CDON: variants seen among roughly 807,000 people sequenced by gnomAD.
The protein encoded by CDON is cell adhesion molecule-related/down-regulated by oncogenes.
A neutral mutation model predicts 120.9 loss-of-function variants in CDON; 73 were observed. The ratio of observed to expected loss-of-function variants is 0.60; its 90% CI spans 0.50 to 0.73. The LOEUF (loss-of-function observed/expected upper bound fraction) is 0.73, where lower values mean the gene tolerates loss of function less well. Among genes scored for constraint, CDON ranks in the 30% least tolerant of loss-of-function variants. The probability of loss-of-function intolerance (pLI) is 0.00; values close to 1 mark genes in which losing one functional copy is unlikely to be tolerated. For missense variants in CDON, 1,470 were observed against 1,587.3 expected (o/e 0.93, Z 1.26); for synonymous variants, 566 against 573.5 (o/e 0.99, Z 0.19).
At chr11:125,981,445 G>C in intron 16 of CDON, 116 bp from the exon 17 acceptor site, 3 of 1,071,186 alleles carry the variant, frequency 2.8e-6, no homozygotes, top group Non-Finnish European at 4.1e-6. Context: ...CACGCACACA[G>C]TAAGACACTA....
In CDON at chr11:125,958,605, A is replaced by T. The variant is rs943437571; in HGVS notation, c.*2337T>A. The T allele has an allele frequency of 7.3e-6, 1 of 137,448 alleles. No homozygotes were observed. Among genetic ancestry groups the T allele is most frequent in the African/African-American group, 2.7e-5 (1 of 37,238 alleles). The allele number at this position is 137,448 out of a possible 1,614,324, so 8.5% of individuals were successfully genotyped here. A position where few individuals can be genotyped will look rare whatever the true frequency, so the allele number is the denominator to read the frequency against. ...TGTGTGTGTGTGTTTATATATATAT[A>T]TTTATATATTTCAATATATAAAGGC... On this transcript the variant is annotated 3_prime_UTR_variant, in exon 20 of 20. Transcript: ENST00000531738.
intron 15 of CDON, among the ~76,000 whole-genome samples, chr11:125,988,415 G>A (rs554065292): frequency 3.9e-5 from 6 of 152,062 alleles, no homozygotes; most frequent in East Asian, 3.9e-4. Flanking sequence ...TCACTCTCTC[G>A]CCCAGACTGG....
At position 126,000,216 on chromosome 11, in the gene CDON, TA is replaced by T. The variant is rs11453388; in HGVS notation, c.2158+1502del. Among the ~76,000 whole-genome samples, 7 of 151,932 alleles carry T rather than the reference TA, an allele frequency of 4.6e-5. No homozygotes were observed. In the East Asian group the frequency reaches 9.7e-4, roughly 21 times the overall value. On this transcript the variant is annotated intron_variant, in intron 11 of 19. Coordinates refer to ENST00000531738, the MANE Select transcript of CDON (RefSeq NM_001378964.1). ...ATCATCCACTATACTGTAATTTTTT[TA>T]AAAAAATAGAAACAGGATCTCACTC...
rs1043814939 is a variant in CDON at position 126,034,644 on chromosome 11, C to T, written c.-61-11107G>A. Among the ~76,000 whole-genome samples, 4 of 152,128 alleles carry T rather than the reference C, an allele frequency of 2.6e-5. No individual in the cohort carries two copies. The highest frequency in any genetic ancestry group is 9.7e-5 in the African/African-American group (4 of 41,412). On this transcript the variant is annotated intron_variant, in intron 1 of 19. Transcript: ENST00000531738. The surrounding 1 kb of genome is among the most constrained non-coding windows in gnomAD (Gnocchi z 4.5). The stretch of plus-strand genomic sequence containing the variant: ...GAATTGTGAAGATAATCCTGGCATC[C>T]ACAGTGGGTTGTACAGGAGCATTAT...
Position 126,017,284 on chromosome 11 carries a change from C to G in CDON, c.732G>C (p.Val244=). 6.2e-7 allele frequency: 1 copy of G among 1,614,106 alleles called. No homozygotes were observed. The highest frequency in any genetic ancestry group is 8.5e-7 in the Non-Finnish European group (1 of 1,180,002). ...LSRSPVTLEC[V]VSGVPAPQVY... Reference sequence around the variant, plus strand: ...CTTGAGGAGCCGGGACCCCACTCACCACACACTCCAAGGTTACAGGGCTAC... The same window carrying G: ...CTTGAGGAGCCGGGACCCCACTCACGACACACTCCAAGGTTACAGGGCTAC... Residue 244 remains valine (V), a synonymous_variant, in exon 6 of 20, where the codon GTG becomes GTC. Transcript: ENST00000531738.
At chr11:125,978,535 A>C (rs752522128) in intron 17 of CDON, 152 bp from the exon 18 acceptor site, 1 of 678,230 alleles carries the variant, frequency 1.5e-6, no homozygotes, top group Non-Finnish European at 2.7e-6. Flanking sequence ...GAGCAACGTC[A>C]TTGTGAATAT....
intron 8 of CDON, among the ~76,000 whole-genome samples, chr11:126,007,028 A>G (rs1400007473): frequency 6.6e-6 from 1 of 152,208 alleles, no homozygotes; most frequent in Admixed American, 6.5e-5. Context: ...AGAAAGAACA[A>G]TTTATGAAAA....
chr11:125,966,931 C>A (rs2471472), intron 18 of CDON, among the ~76,000 whole-genome samples: 152,094 of 152,102 alleles, frequency 1, 76,043 homozygotes, highest in Middle Eastern at 1. Context: ...TCTTAGACAA[C>A]AAAGCTGGGA....
At chr11:126,043,260 T>C (rs944157452) in intron 1 of CDON, among the ~76,000 whole-genome samples, 1 of 152,118 alleles carries the variant, frequency 6.6e-6, no homozygotes. Flanking sequence ...ATCAGACCGA[T>C]TGCAGGCTAC....
chr11:125,996,219 A>G (rs1946779212), intron 12 of CDON, among the ~76,000 whole-genome samples: 1 of 151,362 alleles, frequency 6.6e-6, no homozygotes, highest in Non-Finnish European at 1.5e-5. Context: ...GATGTACACC[A>G]CAGTATTTCT....
rs201963480 is a variant in CDON, at chr11:126,015,398, G to C, written c.1041C>G (p.His347Gln). ...CAGAAGGATGAATAGGCTGTGCATT[G>C]TGAAACCAGGTACAGTTGGGGGCTG... ...GNPAPNCTWF[H>Q]NAQPIHPSAR... Residue 347 changes from histidine to glutamine, a missense_variant, in exon 7 of 20, where the codon CAC (histidine) becomes CAG (glutamine). Coordinates refer to ENST00000531738, the MANE Select transcript of CDON (RefSeq NM_001378964.1). 1.2e-6 allele frequency: 2 copies of C among 1,614,168 alleles called. No homozygotes were observed.
intron 1 of CDON, among the ~76,000 whole-genome samples, chr11:126,025,183 C>G (rs1947760732): frequency 1.3e-5 from 2 of 151,886 alleles, no homozygotes; most frequent in South Asian, 4.2e-4. Flanking sequence ...CCAGGCTGGG[C>G]AACAGAGCCA....
At chr11:125,981,965 ATTTTCTTTTTTTTT>A (rs1354208573) in intron 16 of CDON, among the ~76,000 whole-genome samples, 11 of 34,434 alleles carry the variant, frequency 3.2e-4, no homozygotes, top group Admixed American at 6.8e-4. Context: ...AAGTGATTCT[ATTTTCTTTTTTTTT>A]TTTTTTTTTT....
intron 12 of CDON, among the ~76,000 whole-genome samples, chr11:125,996,294 T>C (rs1411891221): frequency 2.0e-5 from 3 of 152,184 alleles, no homozygotes; most frequent in Non-Finnish European, 4.4e-5. Flanking sequence ...GATTATGGTA[T>C]ATTTATTTAT....
intron 18 of CDON, among the ~76,000 whole-genome samples, chr11:125,973,335 A>C (rs1258506495): frequency 1.3e-5 from 2 of 152,148 alleles, no homozygotes. Context: ...GTTCAAGATC[A>C]GCCTGACTGA....
intron 6 of CDON, among the ~76,000 whole-genome samples, chr11:126,016,591 C>G (rs1438528498): frequency 2.0e-5 from 3 of 152,028 alleles, no homozygotes; most frequent in African/African-American, 7.2e-5. Context: ...TGCCACCACA[C>G]CCAGCTAATT....
intron 1 of CDON, among the ~76,000 whole-genome samples, chr11:126,047,666 C>A (rs1197251618): frequency 6.6e-6 from 1 of 152,152 alleles, no homozygotes; most frequent in African/African-American, 2.4e-5. Context: ...GATCCCATAG[C>A]CCCATGGACC....
chr11:126,037,795 G>T (rs1345107772), intron 1 of CDON, among the ~76,000 whole-genome samples: 10 of 152,072 alleles, frequency 6.6e-5, no homozygotes, highest in Admixed American at 5.2e-4. Context: ...CACTTACTTA[G>T]TATGGCTTAG....
chr11:126,044,581 T>C (rs1024810264), intron 1 of CDON, among the ~76,000 whole-genome samples: 1 of 152,152 alleles, frequency 6.6e-6, no homozygotes, highest in Admixed American at 6.5e-5. Flanking sequence ...ATCTTGTCAT[T>C]TGCAAAAACA....
Sources: allele counts gnomAD v4.1 joint callset (sites outside exome capture counted in the v4.1 genomes callset), GRCh38; gene constraint gnomAD v4.1.1; non-coding constraint Gnocchi (gnomAD v3.1); transcripts MANE v1.5; gene names NCBI Gene and HGNC (gene_info 2026-07-23, HGNC 2026-07-21).